The following DPY19L4 variants were observed in gnomAD, a reference collection of about 807,000 sequenced individuals.
The protein encoded by DPY19L4 is probable C-mannosyltransferase DPY19L4.
In DPY19L4, 97 loss-of-function variants were observed where a neutral mutation model predicts 102.8. The observed-to-expected ratio is 0.94, with a 90% CI of 0.80 to 1.12. DPY19L4 has a LOEUF of 1.12. Among genes scored for constraint, DPY19L4 ranks in the 50% most tolerant of loss-of-function variants. The pLI is 0.00. For missense variants in DPY19L4, 815 were observed against 850.4 expected (o/e 0.96, Z 0.52); for synonymous variants, 252 against 283.1 (o/e 0.89, Z 1.10).
chr8:94,791,211 T>A lies in DPY19L4; in HGVS notation c.*1301T>A, dbSNP rs954896698. The A allele has an allele frequency of 6.6e-6, 1 of 152,184 alleles. No homozygotes were observed. Among genetic ancestry groups the A allele is most frequent in the Admixed American group, 6.5e-5 (1 of 15,284 alleles). 9.4% of individuals were successfully genotyped at this position (152,184 alleles called of 1,614,324 possible). On this transcript the variant is annotated 3_prime_UTR_variant, in exon 19 of 19. Coordinates refer to ENST00000414645, the MANE Select transcript of DPY19L4 (RefSeq NM_181787.3). ...ATTTTCAGTACTCTAAATTACTACA[T>A]TAGAAGAGAGCATTTCTCCATTGTC... is the stretch of plus-strand genomic sequence containing the variant.
intron 6 of DPY19L4, chr8:94,744,599 AT>A (rs1811591239): frequency 4.4e-6 from 2 of 455,238 alleles, no homozygotes; most frequent in Admixed American, 4.7e-5. Flanking sequence ...TAACTTTGCT[AT>A]TAATTTCATG....
At chr8:94,736,038 G>A (rs1460980691) in intron 3 of DPY19L4, among the ~76,000 whole-genome samples, 5 of 152,166 alleles carry the variant, frequency 3.3e-5, no homozygotes, top group Non-Finnish European at 7.3e-5. Flanking sequence ...AGTTCTGGAG[G>A]CTGAAAAGTC....
chr8:94,770,521 T>A lies in DPY19L4; in HGVS notation c.1404T>A (p.Tyr468Ter), dbSNP rs754821431. ...TTGGAGAAAGACCAGAAATAATTTA[T>A]CATGTAATTCACACTATTTTATTGG... ...GRIGERPEII[Y>*]HVIHTILLGS... Residue 468 changes from tyrosine to a stop codon, truncating the protein, a stop_gained, in exon 13 of 19, where the codon TAT (tyrosine) becomes TAA (stop). Coordinates refer to ENST00000414645, the MANE Select transcript of DPY19L4 (RefSeq NM_181787.3). LOFTEE classifies it high-confidence loss of function. 9.9e-6 allele frequency: 16 copies of A among 1,613,892 alleles called. No homozygotes were observed. In the East Asian group the frequency reaches 3.6e-4, roughly 36 times the overall value.
intron 4 of DPY19L4, 129 bp from the exon 5 acceptor site, chr8:94,739,284 A>T (rs1811329004): frequency 8.6e-7 from 1 of 1,162,802 alleles, no homozygotes; most frequent in African/African-American, 1.6e-5. Context: ...TAAAAAATGG[A>T]AAATGCAGCA....
chr8:94,774,852 C>A (rs994136380), intron 13 of DPY19L4, among the ~76,000 whole-genome samples: 2 of 152,114 alleles, frequency 1.3e-5, no homozygotes, highest in African/African-American at 4.8e-5. Flanking sequence ...GCTGGGATTA[C>A]AGCCATGAGC....
intron 8 of DPY19L4, among the ~76,000 whole-genome samples, chr8:94,762,345 T>C (rs1812428827): frequency 6.6e-6 from 1 of 152,182 alleles, no homozygotes; most frequent in Non-Finnish European, 1.5e-5. Flanking sequence ...GTAATTGCTC[T>C]GTTGGGGTGA....
At chr8:94,734,585 A>G in intron 2 of DPY19L4, 45 bp from the exon 3 acceptor site, 1 of 1,561,164 alleles carries the variant, frequency 6.4e-7, no homozygotes, top group Non-Finnish European at 8.7e-7. Context: ...ACATCATATC[A>G]AGGGTACATA....
chr8:94,760,505 G>C (rs543410253), intron 7 of DPY19L4, among the ~76,000 whole-genome samples: 1 of 152,238 alleles, frequency 6.6e-6, no homozygotes, highest in African/African-American at 2.4e-5. Flanking sequence ...TCTTACATTC[G>C]GTTCTCTGGT....
intron 8 of DPY19L4, among the ~76,000 whole-genome samples, chr8:94,763,412 C>T (rs189946082): frequency 2.4e-4 from 37 of 151,960 alleles, no homozygotes; most frequent in Admixed American, 2.4e-3. Flanking sequence ...TCAATCACAG[C>T]TCACTGCAAC....
chr8:94,724,578 GT>G (rs960744833), intron 1 of DPY19L4, among the ~76,000 whole-genome samples: 1 of 151,518 alleles, frequency 6.6e-6, no homozygotes, highest in African/African-American at 2.4e-5. Context: ...GTCATTTTTT[GT>G]TTTTTTTGTT....
At chr8:94,778,414 T>C (rs1813281614) in intron 14 of DPY19L4, among the ~76,000 whole-genome samples, 1 of 152,196 alleles carries the variant, frequency 6.6e-6, no homozygotes, top group Admixed American at 6.6e-5. Context: ...GAACATTACA[T>C]TCTGCCTGCT....
At chr8:94,756,983 C>CCACT (rs1479428201) in intron 7 of DPY19L4, among the ~76,000 whole-genome samples, 1 of 152,134 alleles carries the variant, frequency 6.6e-6, no homozygotes, top group Non-Finnish European at 1.5e-5. Context: ...TGAGATCACG[C>CCACT]CACTGCCTTC....
In DPY19L4 at chr8:94,756,159, G is replaced by A. The variant is rs1158919161; in HGVS notation, c.735G>A (p.Glu245=). Residue 245 remains glutamate, a splice_region_variant and synonymous_variant, in exon 7 of 19, where the codon GAG becomes GAA. Transcript: ENST00000414645. ...YLKSNLNTYG[E]RFCYLLMSAS... The stretch of plus-strand genomic sequence containing the variant: ...AAAGCAACTTAAATACTTATGGAGA[G>A]GTAAGATACAAATCTGTTTTATCTG... The A allele has an allele frequency of 3.7e-6, 6 of 1,611,060 alleles. No homozygotes were observed. The highest frequency in any genetic ancestry group is 3.3e-5 in the South Asian group (3 of 90,156).
At chr8:94,764,108 G>A (rs529012706) in intron 8 of DPY19L4, among the ~76,000 whole-genome samples, 1 of 152,156 alleles carries the variant, frequency 6.6e-6, no homozygotes, top group African/African-American at 2.4e-5. Context: ...ATTTTCACTG[G>A]GTAGGTTTTG....
chr8:94,733,082 A>G (rs1231189115), intron 2 of DPY19L4, among the ~76,000 whole-genome samples: 1 of 146,908 alleles, frequency 6.8e-6, no homozygotes, highest in Non-Finnish European at 1.5e-5. Flanking sequence ...TTTTGGGGTT[A>G]CAGACCTGAG....
intron 6 of DPY19L4, among the ~76,000 whole-genome samples, chr8:94,743,494 A>G (rs113045061): frequency 0.028 from 4,230 of 151,728 alleles, 209 homozygotes; most frequent in African/African-American, 0.096. Flanking sequence ...AAAAAAAAAA[A>G]ATAGCCAGGC....
intron 6 of DPY19L4, among the ~76,000 whole-genome samples, chr8:94,741,880 T>C (rs1227336771): frequency 6.6e-6 from 1 of 152,222 alleles, no homozygotes; most frequent in African/African-American, 2.4e-5. Context: ...TGGTTCCTTT[T>C]AGTATAGAAT....
rs534709805 is a variant in DPY19L4 at position 94,759,236 on chromosome 8, C to T, written c.736-2464C>T. 2.6e-5 allele frequency among the ~76,000 whole-genome samples: 4 copies of T among 152,278 alleles called. No individual in the cohort carries two copies. The South Asian group carries it at 8.3e-4, about 32-fold the overall frequency. On this transcript the variant is annotated intron_variant, in intron 7 of 18. Transcript: ENST00000414645. The stretch of plus-strand genomic sequence containing the variant: ...TAGCTTTTATTCCCTTATGTGTCCT[C>T]TCCCATGTTCCATTTTTGTCCTATC...
intron 17 of DPY19L4, among the ~76,000 whole-genome samples, chr8:94,787,106 G>C (rs1393505084): frequency 6.6e-6 from 1 of 152,102 alleles, no homozygotes; most frequent in Non-Finnish European, 1.5e-5. Flanking sequence ...GAATGATCTG[G>C]CCTAAAATGT....
Sources: allele counts gnomAD v4.1 joint callset (sites outside exome capture counted in the v4.1 genomes callset), GRCh38; gene constraint gnomAD v4.1.1; transcripts MANE v1.5; gene names NCBI Gene and HGNC (gene_info 2026-07-23, HGNC 2026-07-21).